SCIMP: variants seen among roughly 807,000 people sequenced by gnomAD.
The protein encoded by SCIMP is SLP adapter and CSK-interacting membrane protein.
In SCIMP, 18 loss-of-function variants were observed where a neutral mutation model predicts 22.0. The observed-to-expected ratio is 0.82, with a 90% CI of 0.56 to 1.21. SCIMP has a LOEUF of 1.21. Among genes scored for constraint, SCIMP ranks in the 50% most tolerant of loss-of-function variants. SCIMP has a pLI of 0.00. For synonymous variants in SCIMP, 53 were observed against 62.2 expected (o/e 0.85, Z 0.70); for missense variants, 155 against 171.2 (o/e 0.91, Z 0.53).
rs530268624 is a variant in SCIMP at position 5,232,022 on chromosome 17, C to G, written c.21+2713G>C. ...AGTGAGCCGAGATTGCGCCACTGCA[C>G]TCCAGCCTGGGCGACAGAGCGAGAC... On this transcript the variant is annotated intron_variant, in intron 1 of 4. Transcript: ENST00000574081. 3.3e-3 allele frequency among the ~76,000 whole-genome samples: 508 copies of G among 152,066 alleles called. 2 individuals are homozygous for G. The highest frequency in any genetic ancestry group is 0.011 in the African/African-American group (471 of 41,490).
At chr17:5,217,477 G>A (rs1036955670) in intron 3 of SCIMP, among the ~76,000 whole-genome samples, 6 of 150,936 alleles carry the variant, frequency 4.0e-5, no homozygotes, top group Non-Finnish European at 5.9e-5. Context: ...TTTGTTACAT[G>A]TGTATACGTG....
intron 3 of SCIMP, among the ~76,000 whole-genome samples, chr17:5,216,069 G>A (rs1282611574): frequency 1.3e-5 from 2 of 152,016 alleles, no homozygotes; most frequent in African/African-American, 4.8e-5. Context: ...AGGTTGTGGT[G>A]GCATACACCT....
intron 1 of SCIMP, among the ~76,000 whole-genome samples, chr17:5,225,414 G>A (rs910129304): frequency 6.6e-6 from 1 of 151,654 alleles, no homozygotes; most frequent in Admixed American, 6.6e-5. Context: ...GCAGTAAGCC[G>A]AGATCACGCC....
intron 1 of SCIMP, among the ~76,000 whole-genome samples, chr17:5,227,876 T>C (rs1448629744): frequency 6.6e-6 from 1 of 152,042 alleles, no homozygotes; most frequent in Non-Finnish European, 1.5e-5. Context: ...CCCCCTGCAA[T>C]ATGTATATGT....
Position 5,210,655 on chromosome 17 carries a change from G to T in SCIMP, c.*146C>A. 9.3e-7 allele frequency: 1 copy of T among 1,070,446 alleles called. No individual in the cohort carries two copies. Among genetic ancestry groups the T allele is most frequent in the East Asian group, 2.6e-5 (1 of 38,242 alleles). 66.3% of individuals were successfully genotyped at this position (1,070,446 alleles called of 1,614,324 possible). A position where few individuals can be genotyped will look rare whatever the true frequency, so the allele number is the denominator to read the frequency against. On this transcript the variant is annotated 3_prime_UTR_variant, in exon 5 of 5. Coordinates refer to ENST00000574081, the MANE Select transcript of SCIMP (RefSeq NM_207103.3). ...GCAGGGGTGTCTTCATCTAAGGTTTGGGAAGTGCTTTATCTTATAGAGCTT... is the reference window on the plus strand; with the variant it reads ...GCAGGGGTGTCTTCATCTAAGGTTTTGGAAGTGCTTTATCTTATAGAGCTT...
chr17:5,221,133 C>T, intron 3 of SCIMP, 154 bp downstream of exon 3: 3 of 721,748 alleles, frequency 4.2e-6, no homozygotes, highest in South Asian at 2.9e-5. Context: ...GAGTCTCTGC[C>T]CTTATGTGGA....
At chr17:5,216,606 C>G (rs953331819) in intron 3 of SCIMP, among the ~76,000 whole-genome samples, 1 of 152,084 alleles carries the variant, frequency 6.6e-6, no homozygotes, top group African/African-American at 2.4e-5. Flanking sequence ...GCGGAGGTTA[C>G]AGAGAGCCAA....
chr17:5,214,630 G>C (rs919946737), intron 4 of SCIMP: 1 of 301,402 alleles, frequency 3.3e-6, no homozygotes, highest in Non-Finnish European at 6.1e-6. Flanking sequence ...CACGAGGTCA[G>C]GAGATCGAGA....
intron 4 of SCIMP, 27 bp from the exon 5 acceptor site, chr17:5,210,982 T>G (rs201474608): frequency 6.9e-6 from 11 of 1,584,898 alleles, no homozygotes; most frequent in Admixed American, 2.0e-5. Flanking sequence ...GCTCCTTAGA[T>G]GCAAAGCTGT....
At chr17:5,223,970 C>T (rs2074628004) in intron 1 of SCIMP, among the ~76,000 whole-genome samples, 1 of 152,212 alleles carries the variant, frequency 6.6e-6, no homozygotes, top group Non-Finnish European at 1.5e-5. Context: ...TTCTGTGAGC[C>T]TCATCTATAA....
intron 1 of SCIMP, among the ~76,000 whole-genome samples, chr17:5,232,269 T>C (rs1190377333): frequency 6.7e-6 from 1 of 148,668 alleles, no homozygotes; most frequent in Non-Finnish European, 1.5e-5. Flanking sequence ...GCTGAGTCTT[T>C]GGTAAAGTCT....
chr17:5,219,218 C>G (rs1414240430), intron 3 of SCIMP, among the ~76,000 whole-genome samples: 1 of 152,128 alleles, frequency 6.6e-6, no homozygotes, highest in East Asian at 1.9e-4. Flanking sequence ...ATTCAGGAGA[C>G]TGAGGCAGGA....
At chr17:5,219,773 A>C (rs1017303389) in intron 3 of SCIMP, among the ~76,000 whole-genome samples, 4 of 152,182 alleles carry the variant, frequency 2.6e-5, no homozygotes, top group African/African-American at 9.7e-5. Context: ...TGATAAAGCT[A>C]AGTGCAGGTA....
chr17:5,210,987 A>G, intron 4 of SCIMP, 32 bp from the exon 5 acceptor site: 1 of 1,580,176 alleles, frequency 6.3e-7, no homozygotes, highest in East Asian at 2.2e-5. Context: ...TTAGATGCAA[A>G]GCTGTCATGT....
chr17:5,230,891 G>C (rs914868410), intron 1 of SCIMP, among the ~76,000 whole-genome samples: 1 of 152,146 alleles, frequency 6.6e-6, no homozygotes, highest in Non-Finnish European at 1.5e-5. Flanking sequence ...AGTGAGCTGT[G>C]ATTACCATCA....
intron 4 of SCIMP, chr17:5,213,353 C>T (rs2074541045): frequency 2.0e-6 from 1 of 494,856 alleles, no homozygotes; most frequent in Non-Finnish European, 2.6e-6. Context: ...CTCAAGCGAT[C>T]CCCCCACCTC....
intron 3 of SCIMP, among the ~76,000 whole-genome samples, chr17:5,219,145 C>G (rs566159716): frequency 1.2e-3 from 188 of 151,028 alleles, no homozygotes; most frequent in Non-Finnish European, 2.1e-3. Flanking sequence ...TAGCGAAACC[C>G]CGTCTCTACT....
chr17:5,224,577 C>A (rs1416557145), intron 1 of SCIMP, among the ~76,000 whole-genome samples: 1 of 152,036 alleles, frequency 6.6e-6, no homozygotes, highest in African/African-American at 2.4e-5. Context: ...CTGCCTCAGC[C>A]TCCTGAGTAG....
At chr17:5,225,831 C>G (rs1187403446) in intron 1 of SCIMP, among the ~76,000 whole-genome samples, 3 of 151,480 alleles carry the variant, frequency 2.0e-5, no homozygotes, top group Non-Finnish European at 2.9e-5. Flanking sequence ...TGGTTGCTCT[C>G]AAGTTCCAGA....
Sources: gnomAD v4.1 joint callset for allele counts (sites outside exome capture counted in the v4.1 genomes callset) on GRCh38, gnomAD v4.1.1 for gene constraint, MANE v1.5 for transcripts, NCBI Gene and HGNC (gene_info 2026-07-23, HGNC 2026-07-21) for gene names.